The following TBL1XR1 variants were observed in gnomAD, a reference collection of about 807,000 sequenced individuals.
TBL1XR1 encodes TBL1X/Y related 1.
A neutral mutation model predicts 66.9 loss-of-function variants in TBL1XR1; 5 were observed. The ratio of observed to expected loss-of-function variants is 0.07; its 90% confidence interval spans 0.04 to 0.16. The LOEUF (loss-of-function observed/expected upper bound fraction) is 0.16, where lower values mean the gene tolerates loss of function less well. TBL1XR1 is among the 10% of genes least tolerant of loss of function. The pLI, the probability that TBL1XR1 is intolerant of heterozygous loss-of-function variation, is 1.00. For synonymous variants in TBL1XR1, 210 were observed against 206.0 expected (o/e 1.02, Z -0.17); for missense variants, 238 against 623.2 (o/e 0.38, Z 6.58).
At chr3:177,194,987 G>A (rs1014665619) in intron 1 of TBL1XR1, among the ~76,000 whole-genome samples, 1 of 152,004 alleles carries the variant, frequency 6.6e-6, no homozygotes, top group African/African-American at 2.4e-5. Context: ...GGTGAGCTTT[G>A]CAACAATTTT....
At chr3:177,092,327 A>G (rs1722939181) in intron 2 of TBL1XR1, among the ~76,000 whole-genome samples, 1 of 152,214 alleles carries the variant, frequency 6.6e-6, no homozygotes, top group Admixed American at 6.5e-5. Flanking sequence ...CATTAGATGA[A>G]GCCTTTAGCT....
In TBL1XR1 at chr3:177,119,876, T is replaced by C. The variant is rs145695630; in HGVS notation, c.-121-21335A>G. Among the ~76,000 whole-genome samples the C allele has an allele frequency of 8.0e-4, 122 of 152,338 alleles. 2 individuals are homozygous for C. In the East Asian group the frequency reaches 0.02, roughly 25 times the overall value. ...GGTCATTTTATTGTAATGCAACCACTGCCCTTGGTATTAGTTACTTCAAAT... is the reference window on the plus strand; with the variant it reads ...GGTCATTTTATTGTAATGCAACCACCGCCCTTGGTATTAGTTACTTCAAAT... On this transcript the variant is annotated intron_variant, in intron 1 of 15. Transcript: ENST00000457928.
At chr3:177,050,427 T>C in intron 6 of TBL1XR1, 51 bp downstream of exon 6, 1 of 1,594,466 alleles carries the variant, frequency 6.3e-7, no homozygotes, top group Non-Finnish European at 8.6e-7. Flanking sequence ...GTTTATAAAA[T>C]GTTCAATAAG....
intron 1 of TBL1XR1, among the ~76,000 whole-genome samples, chr3:177,122,184 C>G (rs1213820322): frequency 6.6e-6 from 1 of 151,728 alleles, no homozygotes; most frequent in African/African-American, 2.4e-5. Flanking sequence ...TTACTTATTA[C>G]TTAAGACTGT....
intron 1 of TBL1XR1, among the ~76,000 whole-genome samples, chr3:177,163,806 C>A (rs909872535): frequency 6.6e-6 from 1 of 152,142 alleles, no homozygotes. Context: ...GCCAACAAAT[C>A]TTTTCTGAAG....
intron 2 of TBL1XR1, among the ~76,000 whole-genome samples, chr3:177,073,596 A>G (rs1720317974): frequency 6.6e-6 from 1 of 152,136 alleles, no homozygotes; most frequent in Non-Finnish European, 1.5e-5. Context: ...TTTTTCTATC[A>G]TGCATGTAAC....
At chr3:177,167,111 G>A (rs559411080) in intron 1 of TBL1XR1, among the ~76,000 whole-genome samples, 1 of 152,270 alleles carries the variant, frequency 6.6e-6, no homozygotes, top group Admixed American at 6.5e-5. Flanking sequence ...CCCTTCAGTA[G>A]GTCAAAGTTG....
intron 2 of TBL1XR1, among the ~76,000 whole-genome samples, chr3:177,075,812 G>C (rs1720628543): frequency 6.6e-6 from 1 of 152,114 alleles, no homozygotes; most frequent in African/African-American, 2.4e-5. Context: ...CATAAACTAA[G>C]AGGCTTAGAA....
upstream of TBL1XR1, among the ~76,000 whole-genome samples, chr3:177,197,760 G>A (rs889525799): frequency 5.4e-5 from 8 of 147,046 alleles, no homozygotes; most frequent in Non-Finnish European, 1.1e-4. Context: ...CGCTCTGGCG[G>A]CACTGGGGGC....
rs79855154 is a variant in TBL1XR1 at position 177,056,724 on chromosome 3, C to A, written c.59-2806G>T. Among the ~76,000 whole-genome samples the A allele has an allele frequency of 8.0e-3, 1,218 of 151,392 alleles. 19 individuals carry two copies. The highest frequency in any genetic ancestry group is 0.028 in the African/African-American group (1,154 of 41,210). On this transcript the variant is annotated intron_variant, in intron 3 of 15. Coordinates refer to ENST00000457928, the MANE Select transcript of TBL1XR1 (RefSeq NM_024665.7). Reference sequence around the variant, plus strand: ...AACTTCTGATCTCATTTCACTACACCTGAAAGTCATAGTCATCCTAACTCC... The same window carrying A: ...AACTTCTGATCTCATTTCACTACACATGAAAGTCATAGTCATCCTAACTCC...
intron 1 of TBL1XR1, among the ~76,000 whole-genome samples, chr3:177,115,416 A>G (rs1271555180): frequency 6.6e-6 from 1 of 152,170 alleles, no homozygotes; most frequent in Non-Finnish European, 1.5e-5. Flanking sequence ...AAAGTCTTGG[A>G]AGGCACAAAA....
At chr3:177,052,262 A>G (rs987655505) in intron 4 of TBL1XR1, among the ~76,000 whole-genome samples, 2 of 152,254 alleles carry the variant, frequency 1.3e-5, no homozygotes, top group Admixed American at 6.5e-5. Flanking sequence ...CTACTTATTG[A>G]TATTAGGAAG....
At chr3:177,124,562 T>C (rs1051401965) in intron 1 of TBL1XR1, among the ~76,000 whole-genome samples, 5 of 152,224 alleles carry the variant, frequency 3.3e-5, no homozygotes, top group African/African-American at 7.2e-5. Context: ...CAGCTTTAAA[T>C]GAAAATCTTC....
chr3:177,061,433 TA>T (rs545633804), intron 3 of TBL1XR1, among the ~76,000 whole-genome samples: 138 of 152,278 alleles, frequency 9.1e-4, no homozygotes, highest in African/African-American at 3.2e-3. Flanking sequence ...AGTTCTTACA[TA>T]AAAAAAGTAT....
chr3:177,191,489 A>G (rs1341611508), intron 1 of TBL1XR1, among the ~76,000 whole-genome samples: 1 of 152,228 alleles, frequency 6.6e-6, no homozygotes, highest in East Asian at 1.9e-4. Context: ...AAATTCAGGC[A>G]TCAGCACTCA....
intron 2 of TBL1XR1, 127 bp from the exon 3 acceptor site, chr3:177,065,149 A>G: frequency 1.9e-6 from 1 of 515,748 alleles, no homozygotes; most frequent in Non-Finnish European, 3.1e-6. Flanking sequence ...GCCTAATAAT[A>G]AAACCTGACA....
intron 1 of TBL1XR1, among the ~76,000 whole-genome samples, chr3:177,118,405 A>G (rs375854445): frequency 1.3e-5 from 2 of 152,168 alleles, no homozygotes; most frequent in African/African-American, 4.8e-5. Flanking sequence ...TTTCTCATCA[A>G]AGCTAAAAGT....
intron 3 of TBL1XR1, among the ~76,000 whole-genome samples, chr3:177,061,507 AT>A (rs542736870): frequency 1.5e-3 from 229 of 152,346 alleles, no homozygotes; most frequent in African/African-American, 5.2e-3. Flanking sequence ...ACAGTCTTTG[AT>A]AATGAGACAG....
At chr3:177,183,509 C>A (rs114886618) in intron 1 of TBL1XR1, among the ~76,000 whole-genome samples, 2 of 152,110 alleles carry the variant, frequency 1.3e-5, no homozygotes, top group Non-Finnish European at 2.9e-5. Context: ...GATTCCACTC[C>A]GGAAAGCAAA....
Sources: allele counts gnomAD v4.1 joint callset (sites outside exome capture counted in the v4.1 genomes callset), GRCh38; gene constraint gnomAD v4.1.1; transcripts MANE v1.5; gene names NCBI Gene and HGNC (gene_info 2026-07-23, HGNC 2026-07-21).